The following GPR39 variants were observed in gnomAD, a reference collection of about 807,000 sequenced individuals.
The protein encoded by GPR39 is G protein-coupled receptor 39.
Under a neutral mutation model 18.4 loss-of-function variants are expected in GPR39, and 23 were observed. The ratio of observed to expected loss-of-function variants is 1.25; its 90% CI spans 0.90 to 1.77. The LOEUF (loss-of-function observed/expected upper bound fraction) is 1.77. GPR39 is among the 40% of genes most tolerant of loss of function. GPR39 has a pLI of 0.00. For missense variants in GPR39, 647 were observed against 602.4 expected, an observed-to-expected ratio of 1.07 and a Z score of -0.78; for synonymous variants, 280 against 257.9, an observed-to-expected ratio of 1.09 and a Z score of -0.82.
chr2:132,532,556 A>G (rs1221838819), intron 1 of GPR39, among the ~76,000 whole-genome samples: 1 of 152,350 alleles, frequency 6.6e-6, no homozygotes, highest in East Asian at 1.9e-4. Context: ...AGAGAATTTT[A>G]GACCAATATC....
intron 1 of GPR39, among the ~76,000 whole-genome samples, chr2:132,595,054 A>G (rs955811668): frequency 5.3e-5 from 8 of 152,112 alleles, no homozygotes; most frequent in Non-Finnish European, 7.4e-5. Flanking sequence ...GCTGGAGTGC[A>G]ATGGTGCAAT....
chr2:132,601,603 G>A (rs1681043486), intron 1 of GPR39, among the ~76,000 whole-genome samples: 1 of 151,900 alleles, frequency 6.6e-6, no homozygotes, highest in Non-Finnish European at 1.5e-5. Context: ...AAAAGAAAAA[G>A]CATATACACT....
intron 1 of GPR39, among the ~76,000 whole-genome samples, chr2:132,577,468 A>G (rs969467931): frequency 1.2e-4 from 18 of 152,178 alleles, no homozygotes; most frequent in African/African-American, 4.3e-4. Flanking sequence ...TTAAATCTGT[A>G]TATCAATTTG....
intron 1 of GPR39, among the ~76,000 whole-genome samples, chr2:132,431,158 G>A (rs1314440647): frequency 1.3e-5 from 2 of 152,180 alleles, no homozygotes; most frequent in African/African-American, 2.4e-5. Flanking sequence ...ATCAGGTTGT[G>A]GCTGCTCATT....
chr2:132,595,395 C>T (rs112972513), intron 1 of GPR39, among the ~76,000 whole-genome samples: 28 of 152,162 alleles, frequency 1.8e-4, no homozygotes, highest in Admixed American at 5.9e-4. Flanking sequence ...GCTAAGGTTA[C>T]CATGGGCCTA....
intron 1 of GPR39, among the ~76,000 whole-genome samples, chr2:132,596,339 T>G (rs1680946928): frequency 6.6e-6 from 1 of 152,112 alleles, no homozygotes; most frequent in African/African-American, 2.4e-5. Flanking sequence ...ACTCCCCTTT[T>G]CCTTTTCTCT....
chr2:132,578,934 T>A (rs1680576929), intron 1 of GPR39, among the ~76,000 whole-genome samples: 1 of 151,972 alleles, frequency 6.6e-6, no homozygotes, highest in Admixed American at 6.6e-5. Context: ...AAACAGCTAT[T>A]TTTAAAATTT....
chr2:132,456,041 C>T (rs535816468), intron 1 of GPR39, among the ~76,000 whole-genome samples: 2 of 152,168 alleles, frequency 1.3e-5, no homozygotes, highest in East Asian at 1.9e-4. Context: ...CCTTGTTAAC[C>T]TTCTGTCTCA....
At chr2:132,505,731 C>T (rs536665428) in intron 1 of GPR39, among the ~76,000 whole-genome samples, 3 of 152,306 alleles carry the variant, frequency 2.0e-5, no homozygotes, top group Non-Finnish European at 4.4e-5. Flanking sequence ...ATTACATTAT[C>T]TCATTCTTTT....
intron 1 of GPR39, among the ~76,000 whole-genome samples, chr2:132,485,941 A>G (rs947050386): frequency 7.2e-5 from 11 of 152,226 alleles, no homozygotes; most frequent in Admixed American, 2.6e-4. Flanking sequence ...CAGACTTATC[A>G]GAAGGATCGC....
intron 1 of GPR39, among the ~76,000 whole-genome samples, chr2:132,470,933 C>T (rs1328915538): frequency 6.6e-6 from 1 of 152,198 alleles, no homozygotes; most frequent in Non-Finnish European, 1.5e-5. Context: ...TGTTTGCAAC[C>T]TCTGTGTGTG....
chr2:132,610,600 A>C (rs1681221031), intron 1 of GPR39, among the ~76,000 whole-genome samples: 2 of 151,904 alleles, frequency 1.3e-5, no homozygotes. Context: ...AACGCGGTGA[A>C]ACCCTGTTTC....
At chr2:132,635,397 T>C (rs1681733710) in intron 1 of GPR39, among the ~76,000 whole-genome samples, 1 of 152,224 alleles carries the variant, frequency 6.6e-6, no homozygotes, top group Non-Finnish European at 1.5e-5. Flanking sequence ...GGAATGAACA[T>C]TCTTGGTGAA....
At chr2:132,586,172 C>A (rs1321107245) in intron 1 of GPR39, among the ~76,000 whole-genome samples, 1 of 151,980 alleles carries the variant, frequency 6.6e-6, no homozygotes, top group East Asian at 1.9e-4. Context: ...GGTAAAGTAT[C>A]TGCGCTGTCT....
chr2:132,489,562 C>G (rs983480573), intron 1 of GPR39, among the ~76,000 whole-genome samples: 1 of 151,990 alleles, frequency 6.6e-6, no homozygotes, highest in Non-Finnish European at 1.5e-5. Flanking sequence ...TTCATTTTGA[C>G]TCATCAGTGT....
At chr2:132,502,565 A>G (rs1188705878) in intron 1 of GPR39, among the ~76,000 whole-genome samples, 2 of 152,158 alleles carry the variant, frequency 1.3e-5, no homozygotes, top group African/African-American at 4.8e-5. Context: ...ATCTCTTTGC[A>G]ATGAATTTCC....
At chr2:132,478,890 T>A (rs1339031051) in intron 1 of GPR39, among the ~76,000 whole-genome samples, 1 of 151,966 alleles carries the variant, frequency 6.6e-6, no homozygotes, top group Non-Finnish European at 1.5e-5. Flanking sequence ...GTAAATACAA[T>A]AGCCGGCTGT....
At chr2:132,565,453 GGTTA>G (rs1178763752) in intron 1 of GPR39, among the ~76,000 whole-genome samples, 4 of 149,860 alleles carry the variant, frequency 2.7e-5, no homozygotes, top group African/African-American at 7.4e-5. Context: ...ACATTGTGCA[GGTTA>G]GTTACATATG....
chr2:132,464,176 C>A lies in GPR39; in HGVS notation c.856+46278C>A, dbSNP rs568584686. On this transcript the variant is annotated intron_variant, in intron 1 of 1. Transcript: ENST00000329321. ...AAAGGGAGCTGAAGAAGAAGTATCA[C>A]ATGAGCTTATCCATGACGAACGACA... Among the ~76,000 whole-genome samples, 6 of 152,350 alleles carry A rather than the reference C, an allele frequency of 3.9e-5. No individual in the cohort carries two copies. In the South Asian group the frequency reaches 1.0e-3, roughly 26 times the overall value.
Sources: gnomAD v4.1 joint callset for allele counts (sites outside exome capture counted in the v4.1 genomes callset) on GRCh38, gnomAD v4.1.1 for gene constraint, MANE v1.5 for transcripts, NCBI Gene and HGNC (gene_info 2026-07-23, HGNC 2026-07-21) for gene names.